TESC: variants seen among roughly 807,000 people sequenced by gnomAD.
TESC encodes calcineurin B homologous protein 3.
In TESC, 19 loss-of-function variants were observed where a neutral mutation model predicts 31.0. That is an observed-to-expected ratio of 0.61 (90% CI 0.43 to 0.90). TESC has a LOEUF of 0.90. Ranked by LOEUF, TESC falls within the 40% of genes least tolerant of loss-of-function variation. The probability of loss-of-function intolerance (pLI) is 0.00; values close to 1 mark genes in which losing one functional copy is unlikely to be tolerated. For missense variants in TESC, 248 were observed against 303.8 expected (o/e 0.82, Z 1.36); for synonymous variants, 109 against 114.8 (o/e 0.95, Z 0.32).
intron 1 of TESC, among the ~76,000 whole-genome samples, chr12:117,075,893 A>ATGTGTGTG (rs1265142816): frequency 2.4e-5 from 2 of 82,156 alleles, no homozygotes; most frequent in African/African-American, 6.9e-5. Flanking sequence ...ATATATATAT[A>ATGTGTGTG]TATATATATA....
intron 1 of TESC, among the ~76,000 whole-genome samples, chr12:117,075,911 A>G (rs868837236): frequency 0.076 from 4,462 of 58,794 alleles, 378 homozygotes; most frequent in African/African-American, 0.24. Flanking sequence ...ATATATATAT[A>G]TATGTGTGTG....
At chr12:117,083,294 G>C (rs1955173583) in intron 1 of TESC, among the ~76,000 whole-genome samples, 1 of 152,140 alleles carries the variant, frequency 6.6e-6, no homozygotes, top group South Asian at 2.1e-4. Flanking sequence ...AGCTGTGCTG[G>C]CCTTGAACTC....
intron 1 of TESC, among the ~76,000 whole-genome samples, chr12:117,076,353 C>T (rs976931029): frequency 6.6e-5 from 10 of 152,070 alleles, no homozygotes; most frequent in Non-Finnish European, 1.2e-4. Flanking sequence ...TGGGGTAAGA[C>T]CCTGTCTCTA....
rs59443593 is a variant in TESC, at chr12:117,065,447, A to C, written c.129-8561T>G. On this transcript the variant is annotated intron_variant, in intron 2 of 7. Coordinates refer to ENST00000335209, the MANE Select transcript of TESC (RefSeq NM_017899.4). ...GGGAACTGTGAGGCTGCCGTTCACC[A>C]CAGAGGAACGGGGGACCTCTGGGAG... is the stretch of plus-strand genomic sequence containing the variant. 5.1e-3 allele frequency among the ~76,000 whole-genome samples: 781 copies of C among 152,264 alleles called. 7 individuals are homozygous for C. Among genetic ancestry groups the C allele is most frequent in the African/African-American group, 0.018 (751 of 41,542 alleles).
At chr12:117,052,418 C>T (rs548143758) in intron 3 of TESC, among the ~76,000 whole-genome samples, 1 of 152,328 alleles carries the variant, frequency 6.6e-6, no homozygotes, top group East Asian at 1.9e-4. Flanking sequence ...AAGCCCTTTT[C>T]CAATAGTTAC....
In TESC at chr12:117,083,985, T is replaced by TG. The variant is rs1289220035; in HGVS notation, c.59-8646dup. On this transcript the variant is annotated intron_variant, in intron 1 of 7. Coordinates refer to ENST00000335209, the MANE Select transcript of TESC (RefSeq NM_017899.4). ...GACACGCACCTGTAGTCCCAGCTTC[T>TG]GGGGAGGCTGACGCAGGAGAATCGT... The TG allele has an allele frequency of 2.7e-5, 4 of 150,848 alleles. No individual in the cohort carries two copies. In the East Asian group the frequency reaches 7.8e-4, roughly 30 times the overall value. 9.3% of individuals were successfully genotyped at this position (150,848 alleles called of 1,614,324 possible).
intron 2 of TESC, among the ~76,000 whole-genome samples, chr12:117,066,806 T>C (rs1459067681): frequency 6.6e-6 from 1 of 152,042 alleles, no homozygotes; most frequent in Non-Finnish European, 1.5e-5. Flanking sequence ...CCCTGTAGGA[T>C]CCTCAGCTCT....
At chr12:117,069,665 G>T (rs1441279241) in intron 2 of TESC, among the ~76,000 whole-genome samples, 1 of 152,196 alleles carries the variant, frequency 6.6e-6, no homozygotes, top group African/African-American at 2.4e-5. Context: ...ATGACTTCTG[G>T]AAAGAGATGG....
intron 4 of TESC, among the ~76,000 whole-genome samples, chr12:117,047,776 C>T (rs918027189): frequency 6.6e-6 from 1 of 152,044 alleles, no homozygotes; most frequent in African/African-American, 2.4e-5. Context: ...GGGTCTCACT[C>T]TGTCGCACAG....
At chr12:117,073,463 C>T (rs988003300) in intron 2 of TESC, among the ~76,000 whole-genome samples, 7 of 152,110 alleles carry the variant, frequency 4.6e-5, no homozygotes, top group Admixed American at 6.5e-5. Context: ...ATCATGAGAC[C>T]GTCAGAATCT....
At chr12:117,063,717 C>T (rs1027722588) in intron 2 of TESC, among the ~76,000 whole-genome samples, 1 of 152,200 alleles carries the variant, frequency 6.6e-6, no homozygotes, top group African/African-American at 2.4e-5. Flanking sequence ...GTTCCCCTTC[C>T]TGCACTGCCT....
chr12:117,048,465 G>C (rs911200430), intron 4 of TESC, among the ~76,000 whole-genome samples: 1 of 152,146 alleles, frequency 6.6e-6, no homozygotes, highest in Non-Finnish European at 1.5e-5. Context: ...GATGTGACTC[G>C]GGGCACTGCC....
chr12:117,049,021 C>T lies in TESC; in HGVS notation c.347G>A (p.Arg116Lys), dbSNP rs1356571074. 1.9e-6 allele frequency: 3 copies of T among 1,614,086 alleles called. 1 individual carries two copies. The highest frequency in any genetic ancestry group is 1.1e-5 in the South Asian group (1 of 91,088). ...QVELSRKEKL[R>K]FLFHMYDSDS... ...CAAGGGGACTCAGTGGCACGCACAT[C>T]TCAGCTTCTCCTTCCGGGACAGCTC... Residue 116 changes from arginine (R) to lysine (K), a missense_variant and splice_region_variant, in exon 4 of 8, where the codon AGA becomes AAA. Coordinates refer to ENST00000335209, the MANE Select transcript of TESC (RefSeq NM_017899.4).
chr12:117,042,078 TC>T, intron 6 of TESC, 84 bp from the exon 7 acceptor site: 1 of 1,346,020 alleles, frequency 7.4e-7, no homozygotes, highest in Non-Finnish European at 1.0e-6. Context: ...TGGCCTCCCC[TC>T]CCCACCAATA....
intron 3 of TESC, among the ~76,000 whole-genome samples, chr12:117,052,858 C>G (rs117827596): frequency 6.6e-6 from 1 of 152,110 alleles, no homozygotes; most frequent in African/African-American, 2.4e-5. Context: ...CACCTTCTCA[C>G]GCACTCCAAG....
At chr12:117,081,982 G>A (rs181758263) in intron 1 of TESC, among the ~76,000 whole-genome samples, 3 of 151,866 alleles carry the variant, frequency 2.0e-5, no homozygotes, top group African/African-American at 2.4e-5. Context: ...CCAGCACTCT[G>A]GGAAGCAGAA....
chr12:117,088,003 A>C (rs544345308), intron 1 of TESC, among the ~76,000 whole-genome samples: 1 of 152,136 alleles, frequency 6.6e-6, no homozygotes, highest in Non-Finnish European at 1.5e-5. Flanking sequence ...CCCATTTTAT[A>C]GATAAAGAAA....
chr12:117,051,081 C>T (rs1386420642), intron 3 of TESC, among the ~76,000 whole-genome samples: 1 of 152,198 alleles, frequency 6.6e-6, no homozygotes, highest in Non-Finnish European at 1.5e-5. Flanking sequence ...CTGCCACAGC[C>T]TCTCACTGTG....
At position 117,046,660 on chromosome 12, in the gene TESC, CG is replaced by C; in HGVS notation, c.417del (p.Glu140ArgfsTer23). ...TGAGGGTTTCCCGACAGCAGCTCCT[CG>C]ACCACCTGCCAGGTGGGGCGGAAAC... ...RITLEEYRNV[V>X]EELLSGNPHI... On this transcript the variant is annotated frameshift_variant, in exon 6 of 8. Transcript: ENST00000335209. LOFTEE classifies it high-confidence loss of function. The C allele has an allele frequency of 6.4e-7, 1 of 1,552,092 alleles. No individual in the cohort carries two copies. The highest frequency in any genetic ancestry group is 8.7e-7 in the Non-Finnish European group (1 of 1,147,166).
Sources: gnomAD v4.1 joint callset for allele counts (sites outside exome capture counted in the v4.1 genomes callset) on GRCh38, gnomAD v4.1.1 for gene constraint, MANE v1.5 for transcripts, NCBI Gene and HGNC (gene_info 2026-07-23, HGNC 2026-07-21) for gene names.